NCKAP5: variants seen among roughly 807,000 people sequenced by gnomAD.
NCKAP5 encodes the protein nck-associated protein 5.
A neutral mutation model predicts 167.0 loss-of-function variants in NCKAP5; 92 were observed. The observed-to-expected ratio is 0.55, with a 90% CI of 0.47 to 0.66. NCKAP5 has a LOEUF of 0.66. NCKAP5 is among the 30% of genes least tolerant of loss of function. The probability of loss-of-function intolerance (pLI) is 0.00; values close to 1 mark genes in which losing one functional copy is unlikely to be tolerated. For missense variants in NCKAP5, 2,378 were observed against 2,315.0 expected (o/e 1.03, Z -0.56); for synonymous variants, 891 against 877.4 (o/e 1.02, Z -0.27).
intron 2 of NCKAP5, among the ~76,000 whole-genome samples, chr2:133,540,429 T>C (rs1686127868): frequency 6.6e-6 from 1 of 152,126 alleles, no homozygotes; most frequent in Non-Finnish European, 1.5e-5. Context: ...AATTTCAAAT[T>C]GAGCTAAAAC....
chr2:133,055,591 T>C (rs1333333567), intron 6 of NCKAP5, among the ~76,000 whole-genome samples: 2 of 151,980 alleles, frequency 1.3e-5, no homozygotes, highest in Non-Finnish European at 2.9e-5. Context: ...ATTATTAATG[T>C]CAAAATAAAG....
intron 19 of NCKAP5, among the ~76,000 whole-genome samples, chr2:132,676,329 C>T (rs1193850249): frequency 2.6e-5 from 3 of 113,478 alleles, no homozygotes; most frequent in African/African-American, 1.0e-4. Flanking sequence ...CCTACTTCAC[C>T]TCATCCACTC....
chr2:132,715,610 G>A lies in NCKAP5; in HGVS notation c.5713+10017C>T, dbSNP rs192428728. On this transcript the variant is annotated intron_variant, in intron 19 of 19. Coordinates refer to ENST00000409261, the MANE Select transcript of NCKAP5 (RefSeq NM_207363.3). ...CATGTTCTCTAAGAGAGACAGAGCC[G>A]AAATACTAATAAGAGACTTAATGTG... Among the ~76,000 whole-genome samples the A allele has an allele frequency of 7.2e-3, 1,092 of 152,298 alleles. 7 individuals are homozygous for A. The highest frequency in any genetic ancestry group is 8.0e-3 in the Non-Finnish European group (541 of 68,030).
chr2:133,490,940 A>G lies in NCKAP5; in HGVS notation c.69+26518T>C, dbSNP rs1047066443. On this transcript the variant is annotated intron_variant, in intron 3 of 19. Coordinates refer to ENST00000409261, the MANE Select transcript of NCKAP5 (RefSeq NM_207363.3). ...TAAGAGGAGTAAGTTTCCCTCAAGG[A>G]GAGATCTAAAGTAGGTAAGCCTGCT... Among the ~76,000 whole-genome samples, 3 of 152,346 alleles carry G rather than the reference A, an allele frequency of 2.0e-5. No homozygotes were observed. In the South Asian group the frequency reaches 6.2e-4, roughly 32 times the overall value.
intron 16 of NCKAP5, among the ~76,000 whole-genome samples, chr2:132,760,991 A>G (rs1309136311): frequency 6.6e-6 from 1 of 152,172 alleles, no homozygotes; most frequent in African/African-American, 2.4e-5. Flanking sequence ...CCTGAGCCAC[A>G]TGAGTGCAAA....
At chr2:133,464,889 G>A (rs1692447356) in intron 3 of NCKAP5, among the ~76,000 whole-genome samples, 1 of 151,902 alleles carries the variant, frequency 6.6e-6, no homozygotes, top group South Asian at 2.1e-4. Flanking sequence ...GTGGCATGGG[G>A]CTCTCGGTGA....
intron 3 of NCKAP5, among the ~76,000 whole-genome samples, chr2:133,375,604 C>G (rs1686090386): frequency 6.6e-6 from 1 of 152,182 alleles, no homozygotes; most frequent in African/African-American, 2.4e-5. Flanking sequence ...ACCCTCTGCC[C>G]TCTGGTAGGC....
Position 132,959,766 on chromosome 2 carries a change from G to A in NCKAP5, c.579+3954C>T, listed in dbSNP as rs72850176. Among the ~76,000 whole-genome samples the A allele has an allele frequency of 3.2e-3, 494 of 152,270 alleles. 1 individual carries two copies. The highest frequency in any genetic ancestry group is 5.2e-3 in the Non-Finnish European group (356 of 68,014). On this transcript the variant is annotated intron_variant, in intron 8 of 19. Coordinates refer to ENST00000409261, the MANE Select transcript of NCKAP5 (RefSeq NM_207363.3). ...GGTGGCAGAAAGGAGTGATCCTTTCGTAGAAGGGACCTGAGACATGGCAGT... is the reference window on the plus strand; with the variant it reads ...GGTGGCAGAAAGGAGTGATCCTTTCATAGAAGGGACCTGAGACATGGCAGT...
At chr2:132,938,533 C>T (rs1388180599) in intron 8 of NCKAP5, among the ~76,000 whole-genome samples, 1 of 152,146 alleles carries the variant, frequency 6.6e-6, no homozygotes, top group Non-Finnish European at 1.5e-5. Flanking sequence ...ACTCTCCCTG[C>T]ACTTGCTTCA....
chr2:133,012,676 C>T (rs1009876846), intron 6 of NCKAP5, among the ~76,000 whole-genome samples: 1 of 152,130 alleles, frequency 6.6e-6, no homozygotes, highest in Non-Finnish European at 1.5e-5. Context: ...CTGCCTTCTC[C>T]AGAGTCTTCT....
intron 6 of NCKAP5, among the ~76,000 whole-genome samples, chr2:133,125,557 A>G (rs1349185118): frequency 6.6e-6 from 1 of 152,146 alleles, no homozygotes; most frequent in Non-Finnish European, 1.5e-5. Context: ...CACACAGACA[A>G]TGGGTTAAAC....
chr2:132,863,297 G>T (rs546031430), intron 10 of NCKAP5, among the ~76,000 whole-genome samples: 1 of 152,132 alleles, frequency 6.6e-6, no homozygotes, highest in East Asian at 1.9e-4. Flanking sequence ...CTATTGGATG[G>T]GAAAACACAA....
Position 132,785,656 on chromosome 2 carries a change from A to G in NCKAP5, c.1155T>C (p.Ala385=), listed in dbSNP as rs1222797822. The G allele has an allele frequency of 6.6e-7, 1 of 1,519,130 alleles. No individual in the cohort carries two copies. The highest frequency in any genetic ancestry group is 8.8e-7 in the Non-Finnish European group (1 of 1,136,052). The allele number at this position is 1,519,130 out of a possible 1,614,324, so 94.1% of individuals were successfully genotyped here. A position where few individuals can be genotyped will look rare whatever the true frequency, so the allele number is the denominator to read the frequency against. The change falls in exon 14 of 20, where the codon GCT becomes GCC. Residue 385 remains alanine, a synonymous_variant. Transcript: ENST00000409261. ...TTGGAGGTAGTTCATTTGTAGGACT[A>G]GCAAAGCCACTTGGGAGCGAAGAAT... The part of the protein sequence containing the change: ...SIDSSLPSGF[A]SPTNELPPTR...
intron 11 of NCKAP5, among the ~76,000 whole-genome samples, chr2:132,857,901 T>C (rs1445121730): frequency 6.6e-6 from 1 of 152,206 alleles, no homozygotes; most frequent in East Asian, 1.9e-4. Context: ...ACATAAGAAT[T>C]TGCTAAATGA....
At chr2:133,258,557 A>G (rs1347854299) in intron 4 of NCKAP5, among the ~76,000 whole-genome samples, 2 of 152,124 alleles carry the variant, frequency 1.3e-5, no homozygotes, top group Non-Finnish European at 2.9e-5. Flanking sequence ...CAACCTGTGC[A>G]ACATGGCAAA....
chr2:133,087,308 C>A (rs1400649612), intron 6 of NCKAP5, among the ~76,000 whole-genome samples: 1 of 152,112 alleles, frequency 6.6e-6, no homozygotes, highest in Non-Finnish European at 1.5e-5. Context: ...AATCCAATGA[C>A]AAAGTAACGC....
chr2:132,808,330 T>C (rs1381260060), intron 11 of NCKAP5, among the ~76,000 whole-genome samples: 1 of 152,078 alleles, frequency 6.6e-6, no homozygotes, highest in Non-Finnish European at 1.5e-5. Context: ...GTCAAAAGGA[T>C]TGGCAACAAT....
At chr2:132,992,699 G>A (rs28421235) in intron 7 of NCKAP5, among the ~76,000 whole-genome samples, 9,288 of 152,006 alleles carry the variant, frequency 0.061, 954 homozygotes, top group African/African-American at 0.21. Context: ...CTTTCTTTAG[G>A]TGGCCACATA....
At chr2:133,593,154 G>A in the NCKAP5 span, among the ~76,000 whole-genome samples, 51,000 of 151,988 alleles carry the variant, frequency 0.34, 9,931 homozygotes, top group Middle Eastern at 0.53. Context: ...GAATTCACAA[G>A]AGGAACCCAG....
Sources: allele counts gnomAD v4.1 joint callset (sites outside exome capture counted in the v4.1 genomes callset), GRCh38; gene constraint gnomAD v4.1.1; transcripts MANE v1.5; gene names NCBI Gene and HGNC (gene_info 2026-07-23, HGNC 2026-07-21).